Variants in NEXN observed in about 807,000 individuals in gnomAD.
The protein encoded by NEXN is nexilin.
In NEXN, 65 loss-of-function variants were observed where a neutral mutation model predicts 92.6. That is an observed-to-expected ratio of 0.70 (90% CI 0.57 to 0.86). The LOEUF is 0.86. Among genes scored for constraint, NEXN ranks in the 40% least tolerant of loss-of-function variants. The pLI is 0.00. For synonymous variants in NEXN, 254 were observed against 242.5 expected (o/e 1.05, Z -0.44); for missense variants, 778 against 771.1 (o/e 1.01, Z -0.11).
At chr1:77,911,090 G>C (rs898368768) in intron 1 of NEXN, among the ~76,000 whole-genome samples, 9 of 152,134 alleles carry the variant, frequency 5.9e-5, no homozygotes, top group African/African-American at 2.2e-4. Context: ...CCCTGCCTCA[G>C]CCTTCCAAAG....
At chr1:77,911,161 G>A (rs909891193) in intron 1 of NEXN, among the ~76,000 whole-genome samples, 2 of 152,162 alleles carry the variant, frequency 1.3e-5, no homozygotes, top group Middle Eastern at 3.2e-3. Flanking sequence ...ACTTCTGTAT[G>A]CAGGTTGAAT....
At chr1:77,892,250 G>A (rs1647126712) in intron 1 of NEXN, among the ~76,000 whole-genome samples, 2 of 152,260 alleles carry the variant, frequency 1.3e-5, no homozygotes, top group South Asian at 4.1e-4. Flanking sequence ...GGTACCAAGT[G>A]GTTTTTGGTT....
At chr1:77,889,861 T>A (rs999113203) in intron 1 of NEXN, among the ~76,000 whole-genome samples, 4 of 152,360 alleles carry the variant, frequency 2.6e-5, no homozygotes, top group African/African-American at 9.6e-5. Context: ...AGTCACAACA[T>A]AACTATGTCT....
In NEXN at chr1:77,917,568, T is replaced by A; in HGVS notation, c.30T>A (p.Ile10=). 2 of 1,608,880 alleles carry A rather than the reference T, an allele frequency of 1.2e-6. No individual in the cohort carries two copies. Among genetic ancestry groups the A allele is most frequent in the Non-Finnish European group, 1.7e-6 (2 of 1,175,826 alleles). ...TTTTTTATTTTCTTCTAATGAAGATTCTGCTTTCTTCATCTAAACCTGTCC... is the reference window on the plus strand; with the variant it reads ...TTTTTTATTTTCTTCTAATGAAGATACTGCTTTCTTCATCTAAACCTGTCC... The part of the protein sequence containing the change: MNDISQKAE[I]LLSSSKPVPK... The change falls in exon 3 of 13, where the codon ATT becomes ATA. Residue 10 remains isoleucine (I), a splice_region_variant and synonymous_variant. Coordinates refer to ENST00000334785, the MANE Select transcript of NEXN (RefSeq NM_144573.4).
intron 1 of NEXN, among the ~76,000 whole-genome samples, chr1:77,912,095 A>G (rs1380538906): frequency 6.6e-6 from 1 of 151,710 alleles, no homozygotes; most frequent in Non-Finnish European, 1.5e-5. Flanking sequence ...AAAAAAAAAA[A>G]TCTGAAATCT....
intron 11 of NEXN, among the ~76,000 whole-genome samples, chr1:77,937,075 CGAG>C (rs1557992126): frequency 6.6e-6 from 1 of 151,168 alleles, no homozygotes; most frequent in African/African-American, 2.5e-5. Context: ...TTTGGGAGGC[CGAG>C]GTGGGTGGGT....
chr1:77,926,320 A>T, intron 6 of NEXN, 94 bp from the exon 7 acceptor site: 2 of 765,014 alleles, frequency 2.6e-6, no homozygotes, highest in Non-Finnish European at 4.5e-6. Context: ...CATTGATGAC[A>T]GTGTAATGAA....
chr1:77,935,581 G>GT (rs573245103), intron 10 of NEXN, among the ~76,000 whole-genome samples: 107 of 152,328 alleles, frequency 7.0e-4, no homozygotes, highest in Non-Finnish European at 1.3e-3. Flanking sequence ...AGGTTAAACT[G>GT]TATTTTTGGT....
At chr1:77,896,750 CTCTG>C (rs1040179740) in intron 1 of NEXN, among the ~76,000 whole-genome samples, 5 of 151,284 alleles carry the variant, frequency 3.3e-5, no homozygotes, top group Admixed American at 3.3e-4. Flanking sequence ...CAGAGCAAGA[CTCTG>C]TCTAATTAAA....
chr1:77,904,512 G>C (rs1000694295), intron 1 of NEXN, among the ~76,000 whole-genome samples: 15 of 152,168 alleles, frequency 9.9e-5, no homozygotes, highest in Admixed American at 1.3e-4. Context: ...TTTCAAACTT[G>C]CTAGTTTTTG....
At chr1:77,902,027 A>G (rs1647755822) in intron 1 of NEXN, among the ~76,000 whole-genome samples, 1 of 152,204 alleles carries the variant, frequency 6.6e-6, no homozygotes, top group South Asian at 2.1e-4. Flanking sequence ...CATAAACTCC[A>G]TAACAGATAT....
intron 10 of NEXN, among the ~76,000 whole-genome samples, chr1:77,934,170 C>T (rs532107489): frequency 7.5e-4 from 114 of 152,046 alleles, no homozygotes; most frequent in Non-Finnish European, 1.5e-3. Context: ...CCACGATGCC[C>T]GGCTAATTTT....
chr1:77,926,986 T>C, intron 8 of NEXN, 94 bp downstream of exon 8: 1 of 1,460,256 alleles, frequency 6.8e-7, no homozygotes, highest in Non-Finnish European at 9.5e-7. Flanking sequence ...AGATTTTACA[T>C]ATAGAAGGGC....
intron 8 of NEXN, among the ~76,000 whole-genome samples, chr1:77,927,599 T>A (rs569608787): frequency 9.0e-3 from 291 of 32,504 alleles, no homozygotes; most frequent in Non-Finnish European, 0.016. Flanking sequence ...TGTGTGTGTG[T>A]GTCTGTGTGT....
intron 9 of NEXN, 101 bp downstream of exon 9, chr1:77,929,605 CTG>C (rs1650132870): frequency 1.3e-6 from 2 of 1,502,014 alleles, no homozygotes; most frequent in Non-Finnish European, 1.8e-6. Context: ...TTTCTGGAAA[CTG>C]TGCCAAGAGT....
At chr1:77,896,013 T>TA (rs142305491) in intron 1 of NEXN, among the ~76,000 whole-genome samples, 2 of 150,556 alleles carry the variant, frequency 1.3e-5, no homozygotes, top group South Asian at 2.1e-4. Context: ...CTGTCTGTAC[T>TA]AAAAAAAATT....
intron 6 of NEXN, 136 bp downstream of exon 6, chr1:77,925,365 T>G (rs1649762987): frequency 4.2e-6 from 3 of 717,294 alleles, no homozygotes; most frequent in South Asian, 3.5e-5. Context: ...AAGTATGTTT[T>G]GCAAAGCAAG....
intron 11 of NEXN, among the ~76,000 whole-genome samples, chr1:77,939,936 T>TC (rs1397477308): frequency 6.6e-6 from 1 of 152,042 alleles, no homozygotes; most frequent in Non-Finnish European, 1.5e-5. Context: ...TAGCCGGGCG[T>TC]GGTGGCAGAC....
chr1:77,892,953 A>G (rs1433755315), intron 1 of NEXN, among the ~76,000 whole-genome samples: 1 of 149,190 alleles, frequency 6.7e-6, no homozygotes, highest in Non-Finnish European at 1.5e-5. Context: ...TGCAGCCTCT[A>G]TCTCCTGGGC....
Sources: allele counts gnomAD v4.1 joint callset (sites outside exome capture counted in the v4.1 genomes callset), GRCh38; gene constraint gnomAD v4.1.1; transcripts MANE v1.5; gene names NCBI Gene and HGNC (gene_info 2026-07-23, HGNC 2026-07-21).